DPY19L1: variants seen among roughly 807,000 people sequenced by gnomAD.
DPY19L1 encodes dpy-19 like C-mannosyltransferase 1.
Under a neutral mutation model 96.9 loss-of-function variants are expected in DPY19L1, and 35 were observed. That is an observed-to-expected ratio of 0.36 (90% CI 0.28 to 0.48). The LOEUF (loss-of-function observed/expected upper bound fraction) is 0.48. Among genes scored for constraint, DPY19L1 ranks in the 20% least tolerant of loss-of-function variants. DPY19L1 has a pLI of 0.99. For missense variants in DPY19L1, 521 were observed against 777.9 expected, an observed-to-expected ratio of 0.67 and a Z score of 3.93; for synonymous variants, 205 against 252.6, an observed-to-expected ratio of 0.81 and a Z score of 1.79.
At chr7:35,002,352 AACTC>A (rs1018905750) in intron 6 of DPY19L1, among the ~76,000 whole-genome samples, 3 of 152,096 alleles carry the variant, frequency 2.0e-5, no homozygotes, top group African/African-American at 7.2e-5. Flanking sequence ...GAAAAATAAA[AACTC>A]AGTAGAAGGT....
At position 34,941,805 on chromosome 7, in the gene DPY19L1, G is replaced by A; in HGVS notation, c.1649C>T (p.Pro550Leu). The change falls in exon 18 of 22, where the codon CCA (proline) becomes CTA (leucine). Residue 550 changes from proline (P) to leucine (L), a missense_variant. Transcript: ENST00000638088. ...LIMRLKLFLTPHMCVMASLIC... is the reference protein window; with the variant it reads ...LIMRLKLFLTLHMCVMASLIC... Reference sequence around the variant, plus strand: ...CAGTGATGCCATAACACACATGTGTGGTGTCAAGAAGAGTTTTAGTCTCAT... The same window carrying A: ...CAGTGATGCCATAACACACATGTGTAGTGTCAAGAAGAGTTTTAGTCTCAT... 6.3e-7 allele frequency: 1 copy of A among 1,591,166 alleles called. No individual in the cohort carries two copies. Among genetic ancestry groups the A allele is most frequent in the Non-Finnish European group, 8.6e-7 (1 of 1,169,406 alleles).
At chr7:34,932,575 C>T (rs1269518749) in intron 21 of DPY19L1, among the ~76,000 whole-genome samples, 3 of 152,070 alleles carry the variant, frequency 2.0e-5, no homozygotes, top group Admixed American at 6.5e-5. Context: ...ATTGGACAGT[C>T]GATATTCTAG....
chr7:35,036,273 A>C (rs1786396985), intron 1 of DPY19L1, among the ~76,000 whole-genome samples: 1 of 152,246 alleles, frequency 6.6e-6, no homozygotes, highest in South Asian at 2.1e-4. Context: ...TATAGAAAAA[A>C]GCAATGTAAC....
Position 34,952,527 on chromosome 7 carries a change from A to G in DPY19L1, c.1320+2171T>C, listed in dbSNP as rs537530346. 2.0e-5 allele frequency among the ~76,000 whole-genome samples: 3 copies of G among 152,306 alleles called. No individual in the cohort carries two copies. The South Asian group carries it at 6.2e-4, about 32-fold the overall frequency. On this transcript the variant is annotated intron_variant, in intron 13 of 21. Coordinates refer to ENST00000638088, the MANE Select transcript of DPY19L1 (RefSeq NM_001366673.1). ...TGAAAACAGGAGACAGGACACTTGC[A>G]AATAATTTTAGGAGATGACATTACC...
At chr7:34,946,716 G>A (rs1278012874) in intron 15 of DPY19L1, among the ~76,000 whole-genome samples, 1 of 152,332 alleles carries the variant, frequency 6.6e-6, no homozygotes, top group Non-Finnish European at 1.5e-5. Context: ...AACGATAGGG[G>A]AAGGTGCAGA....
rs77827072 is a variant in DPY19L1, at chr7:35,025,949, A to G, written c.299-7353T>C. Among the ~76,000 whole-genome samples the G allele has an allele frequency of 7.6e-4, 116 of 152,350 alleles. No homozygotes were observed. In the East Asian group the frequency reaches 0.022, roughly 29 times the overall value. On this transcript the variant is annotated intron_variant, in intron 1 of 21. Transcript: ENST00000638088. ...CAGAGAAACCAAGCAAGTTTCAAAGACAACATCATAATGCAGCAATAGAGA... is the reference window on the plus strand; with the variant it reads ...CAGAGAAACCAAGCAAGTTTCAAAGGCAACATCATAATGCAGCAATAGAGA...
chr7:34,962,073 C>A (rs1178269629), intron 10 of DPY19L1, among the ~76,000 whole-genome samples: 1 of 152,142 alleles, frequency 6.6e-6, no homozygotes, highest in Non-Finnish European at 1.5e-5. Context: ...TCTCACCATA[C>A]CATCCAAATA....
chr7:34,965,579 C>A (rs1162535923), intron 10 of DPY19L1, among the ~76,000 whole-genome samples: 4 of 152,052 alleles, frequency 2.6e-5, no homozygotes, highest in African/African-American at 7.2e-5. Flanking sequence ...CAATAAAGTT[C>A]TATTATCCAT....
intron 1 of DPY19L1, among the ~76,000 whole-genome samples, chr7:35,026,787 C>T (rs1685269150): frequency 6.6e-6 from 1 of 152,156 alleles, no homozygotes; most frequent in African/African-American, 2.4e-5. Context: ...AGGGAAAGAA[C>T]TCAAATTCTT....
chr7:35,018,060 T>G, intron 2 of DPY19L1, 91 bp from the exon 3 acceptor site: 2 of 872,366 alleles, frequency 2.3e-6, no homozygotes, highest in Non-Finnish European at 3.4e-6. Context: ...AAAGTATCAG[T>G]TAACTTGCAG....
At chr7:34,962,957 G>A (rs1047576395) in intron 10 of DPY19L1, among the ~76,000 whole-genome samples, 1 of 152,048 alleles carries the variant, frequency 6.6e-6, no homozygotes, top group Non-Finnish European at 1.5e-5. Flanking sequence ...CACTTTGGGA[G>A]GCTGAGGTGG....
intron 8 of DPY19L1, among the ~76,000 whole-genome samples, chr7:34,972,204 A>C (rs1452907915): frequency 6.6e-6 from 1 of 151,956 alleles, no homozygotes; most frequent in Non-Finnish European, 1.5e-5. Context: ...CTCCCCTCCC[A>C]CTCTGTGCCT....
chr7:35,021,060 T>G (rs1202086152), intron 1 of DPY19L1, among the ~76,000 whole-genome samples: 1 of 152,234 alleles, frequency 6.6e-6, no homozygotes, highest in Admixed American at 6.5e-5. Context: ...TTTGTTCCTG[T>G]TTTATAATTT....
intron 7 of DPY19L1, among the ~76,000 whole-genome samples, chr7:34,975,175 G>A (rs1347679075): frequency 1.3e-5 from 2 of 152,198 alleles, no homozygotes; most frequent in Admixed American, 6.5e-5. Flanking sequence ...GGCTAGAAAT[G>A]ATTAAACTTA....
At chr7:35,002,673 A>G (rs1785456481) in intron 6 of DPY19L1, among the ~76,000 whole-genome samples, 1 of 152,244 alleles carries the variant, frequency 6.6e-6, no homozygotes, top group Non-Finnish European at 1.5e-5. Context: ...ACAATCTTCC[A>G]GAGAGAGGAA....
upstream of DPY19L1, chr7:35,037,599 G>A (rs1786465906): frequency 3.8e-6 from 1 of 261,100 alleles, no homozygotes; most frequent in Non-Finnish European, 7.2e-6. Flanking sequence ...CCGCCGGGAG[G>A]CGGCGCCGGA....
chr7:34,949,544 CT>C (rs1444313107), intron 14 of DPY19L1, among the ~76,000 whole-genome samples: 1 of 152,132 alleles, frequency 6.6e-6, no homozygotes, highest in African/African-American at 2.4e-5. Context: ...CTTGAAATGC[CT>C]CTGTGTTTAC....
At chr7:34,980,122 T>C (rs1003953223) in intron 7 of DPY19L1, among the ~76,000 whole-genome samples, 4 of 152,120 alleles carry the variant, frequency 2.6e-5, no homozygotes, top group African/African-American at 9.7e-5. Flanking sequence ...ACTTTATTTA[T>C]GATACAAGGC....
At chr7:34,960,562 A>G (rs1784481781) in intron 10 of DPY19L1, among the ~76,000 whole-genome samples, 1 of 152,268 alleles carries the variant, frequency 6.6e-6, no homozygotes, top group East Asian at 1.9e-4. Context: ...ACTACAAACA[A>G]TGATATTTTT....
Sources: gnomAD v4.1 joint callset for allele counts (sites outside exome capture counted in the v4.1 genomes callset) on GRCh38, gnomAD v4.1.1 for gene constraint, MANE v1.5 for transcripts, NCBI Gene and HGNC (gene_info 2026-07-23, HGNC 2026-07-21) for gene names.